The following STRN3 variants were observed in gnomAD, a reference collection of about 807,000 sequenced individuals.
The protein encoded by STRN3 is striatin 3, also known as striatin-3.
STRN3 carries 29 observed loss-of-function variants against 95.6 expected under a neutral mutation model. The ratio of observed to expected loss-of-function variants is 0.30; its 90% CI spans 0.23 to 0.41. The LOEUF is 0.41. Among genes scored for constraint, STRN3 ranks in the 10% least tolerant of loss-of-function variants. STRN3 has a pLI of 1.00. For missense variants in STRN3, 890 were observed against 972.1 expected, an observed-to-expected ratio of 0.92 and a Z score of 1.12; for synonymous variants, 331 against 357.6, an observed-to-expected ratio of 0.93 and a Z score of 0.84.
chr14:30,921,065 T>TAC (rs1374593800), intron 8 of STRN3, among the ~76,000 whole-genome samples: 140 of 89,248 alleles, frequency 1.6e-3, no homozygotes, highest in South Asian at 0.012. Flanking sequence ...TTTCTACACA[T>TAC]ACATATACAC....
chr14:31,024,824 C>T (rs10140248), intron 1 of STRN3, among the ~76,000 whole-genome samples: 1 of 152,086 alleles, frequency 6.6e-6, no homozygotes, highest in East Asian at 1.9e-4. Flanking sequence ...TTTAGACACA[C>T]GCTTTTTCCT....
rs1286098078 is a variant in STRN3 at position 30,894,051 on chromosome 14, G to A, written c.*1360C>T. Reference sequence around the variant, plus strand: ...CGCAAACTGATCAGAAAAGTTTCTCGGAAGACTAGAAAAAATACTTTATTG... The same window carrying A: ...CGCAAACTGATCAGAAAAGTTTCTCAGAAGACTAGAAAAAATACTTTATTG... On this transcript the variant is annotated 3_prime_UTR_variant, in exon 18 of 18. Transcript: ENST00000357479. 4 of 152,326 alleles carry A rather than the reference G, an allele frequency of 2.6e-5. No homozygotes were observed. The highest frequency in any genetic ancestry group is 4.4e-5 in the Non-Finnish European group (3 of 67,962). 9.4% of individuals were successfully genotyped at this position (152,326 alleles called of 1,614,324 possible).
chr14:30,975,633 G>A (rs899271859), intron 1 of STRN3, among the ~76,000 whole-genome samples: 1 of 151,492 alleles, frequency 6.6e-6, no homozygotes, highest in Non-Finnish European at 1.5e-5. Flanking sequence ...TAGACTTGAA[G>A]CCTGGGCAAT....
intron 1 of STRN3, among the ~76,000 whole-genome samples, chr14:30,998,090 C>T (rs1404691475): frequency 6.6e-6 from 1 of 152,152 alleles, no homozygotes; most frequent in East Asian, 1.9e-4. Context: ...CTGTAAAAAT[C>T]AGCAGCCACT....
intron 4 of STRN3, among the ~76,000 whole-genome samples, chr14:30,949,608 C>T (rs982507973): frequency 6.6e-6 from 1 of 151,642 alleles, no homozygotes; most frequent in Non-Finnish European, 1.5e-5. Context: ...CTCTTGAGTC[C>T]GGGAGGCGGA....
At chr14:30,929,336 A>G (rs1309826523) in intron 7 of STRN3, 25 bp from the exon 8 acceptor site, 1 of 1,590,394 alleles carries the variant, frequency 6.3e-7, no homozygotes, top group Non-Finnish European at 8.6e-7. Flanking sequence ...TTATTAAAAG[A>G]AAAAAAATCA....
At chr14:30,996,900 A>T (rs902692390) in intron 1 of STRN3, among the ~76,000 whole-genome samples, 1 of 152,104 alleles carries the variant, frequency 6.6e-6, no homozygotes, top group Non-Finnish European at 1.5e-5. Context: ...CAGGTATTTG[A>T]GAAATATGAG....
intron 1 of STRN3, among the ~76,000 whole-genome samples, chr14:31,003,990 AAAG>A (rs894059661): frequency 6.6e-6 from 1 of 151,684 alleles, no homozygotes; most frequent in African/African-American, 2.4e-5. Context: ...TCATCTCAAC[AAAG>A]AAGTTTCTGG....
chr14:30,968,766 T>C (rs1880678024), intron 1 of STRN3, among the ~76,000 whole-genome samples: 1 of 149,634 alleles, frequency 6.7e-6, no homozygotes, highest in South Asian at 2.1e-4. Context: ...AAAAAAAAGG[T>C]TATAAAAGGA....
intron 16 of STRN3, among the ~76,000 whole-genome samples, chr14:30,898,206 G>A (rs1424244598): frequency 6.6e-6 from 1 of 151,196 alleles, no homozygotes; most frequent in Non-Finnish European, 1.5e-5. Context: ...CAAACTCCTG[G>A]TGTCAAGCGA....
At chr14:30,939,356 G>T (rs1312036859) in intron 5 of STRN3, among the ~76,000 whole-genome samples, 3 of 152,066 alleles carry the variant, frequency 2.0e-5, no homozygotes, top group Non-Finnish European at 4.4e-5. Context: ...ATGAGGTAGG[G>T]TCACAAACTT....
chr14:31,000,852 A>C (rs1027149568), intron 1 of STRN3, among the ~76,000 whole-genome samples: 3 of 151,388 alleles, frequency 2.0e-5, no homozygotes, highest in Admixed American at 6.6e-5. Context: ...GAAAAAAAAA[A>C]ACAATAGGTA....
intron 1 of STRN3, among the ~76,000 whole-genome samples, chr14:30,999,585 A>T (rs1295116455): frequency 1.3e-5 from 2 of 152,216 alleles, no homozygotes; most frequent in Non-Finnish European, 1.5e-5. Flanking sequence ...CAGAACAATC[A>T]ACCAACTTGA....
intron 1 of STRN3, among the ~76,000 whole-genome samples, chr14:31,006,221 G>A (rs182600046): frequency 5.3e-5 from 8 of 151,844 alleles, no homozygotes; most frequent in Admixed American, 5.3e-4. Flanking sequence ...ACTCTACTAT[G>A]CTCAAAAAAT....
chr14:30,993,867 A>T (rs1355590457), intron 1 of STRN3, among the ~76,000 whole-genome samples: 1 of 146,950 alleles, frequency 6.8e-6, no homozygotes, highest in Admixed American at 6.8e-5. Flanking sequence ...TTTAGTAGAG[A>T]TGGGGTTTCT....
intron 1 of STRN3, among the ~76,000 whole-genome samples, chr14:31,000,215 T>C (rs1483755498): frequency 1.7e-5 from 2 of 117,416 alleles, no homozygotes; most frequent in Admixed American, 2.5e-4. Context: ...GTTAACTCCA[T>C]ACGTAACTAC....
At chr14:30,965,599 C>T (rs1018229194) in intron 1 of STRN3, among the ~76,000 whole-genome samples, 2 of 151,958 alleles carry the variant, frequency 1.3e-5, no homozygotes, top group Non-Finnish European at 2.9e-5. Flanking sequence ...GCAGATGGAT[C>T]ACCTGAGGTC....
At chr14:31,010,989 A>C (rs528694595) in intron 1 of STRN3, among the ~76,000 whole-genome samples, 228 of 152,336 alleles carry the variant, frequency 1.5e-3, no homozygotes, top group Middle Eastern at 0.01. Flanking sequence ...CAGTGAGCCA[A>C]AATTGCGCCA....
At chr14:30,940,166 G>A (rs1209082496) in intron 5 of STRN3, among the ~76,000 whole-genome samples, 5 of 151,942 alleles carry the variant, frequency 3.3e-5, no homozygotes, top group South Asian at 2.1e-4. Flanking sequence ...TCTAAGAAAC[G>A]TTCCTTCCAG....
Sources: allele counts gnomAD v4.1 joint callset (sites outside exome capture counted in the v4.1 genomes callset), GRCh38; gene constraint gnomAD v4.1.1; transcripts MANE v1.5; gene names NCBI Gene and HGNC (gene_info 2026-07-23, HGNC 2026-07-21).